SUFU: variants seen among roughly 807,000 people sequenced by gnomAD.
SUFU encodes suppressor of fused homolog.
A neutral mutation model predicts 58.9 loss-of-function variants in SUFU; 7 were observed. The observed-to-expected ratio is 0.12, with a 90% CI of 0.07 to 0.22. SUFU has a LOEUF of 0.22. SUFU is among the 10% of genes least tolerant of loss of function. SUFU has a pLI of 1.00. For missense variants in SUFU, 451 were observed against 641.3 expected, an observed-to-expected ratio of 0.70 and a Z score of 3.20; for synonymous variants, 232 against 254.8, an observed-to-expected ratio of 0.91 and a Z score of 0.85.
At chr10:102,616,904 C>A (rs910913098) in intron 9 of SUFU, among the ~76,000 whole-genome samples, 1 of 152,220 alleles carries the variant, frequency 6.6e-6, no homozygotes, top group South Asian at 2.1e-4. Flanking sequence ...ACTTCACCTC[C>A]GTCCCCTAAG....
Position 102,509,292 on chromosome 10 carries a change from CAG to C in SUFU, c.309_310del (p.Arg103SerfsTer3). ...GCCTGAGTGATCTCTATGGTGACAA[CAG>C]AGTCCATGAGTGAGTATATGCCACC... The part of the protein sequence containing the change: ...FGLSDLYGDN[R>X]VHEFTGTDGP... On this transcript the variant is annotated frameshift_variant, in exon 2 of 12. Coordinates refer to ENST00000369902, the MANE Select transcript of SUFU (RefSeq NM_016169.4). LOFTEE classifies it high-confidence loss of function. The C allele has an allele frequency of 6.2e-7, 1 of 1,614,148 alleles. No individual in the cohort carries two copies. Among genetic ancestry groups the C allele is most frequent in the Non-Finnish European group, 8.5e-7 (1 of 1,180,026 alleles).
In SUFU at chr10:102,506,039, GAA is replaced by G. The variant is rs1170831161; in HGVS notation, c.182+1731_182+1732del. ...TAGCCAGACCCTAACTCTGTTATTT[GAA>G]AAAAAAAAAAAAAAAAAAAAAAAAA... On this transcript the variant is annotated intron_variant, in intron 1 of 11. Transcript: ENST00000369902. Among the ~76,000 whole-genome samples the G allele has an allele frequency of 2.3e-3, 194 of 84,210 alleles. 4 individuals carry two copies. Among genetic ancestry groups the G allele is most frequent in the East Asian group, 0.013 (30 of 2,384 alleles). The allele number at this position is 84,210 out of a possible 152,430, so 55.2% of individuals were successfully genotyped here.
intron 3 of SUFU, among the ~76,000 whole-genome samples, chr10:102,562,210 T>C (rs1034845948): frequency 7.2e-5 from 11 of 152,220 alleles, no homozygotes; most frequent in South Asian, 2.1e-4. Flanking sequence ...AGTCTTTTCC[T>C]GTTGAGGCCC....
At chr10:102,571,518 A>AAACC (rs1353409746) in intron 3 of SUFU, among the ~76,000 whole-genome samples, 1 of 147,118 alleles carries the variant, frequency 6.8e-6, no homozygotes, top group Non-Finnish European at 1.5e-5. Flanking sequence ...ACAAACAAAC[A>AAACC]AAACAAACAA....
intron 2 of SUFU, among the ~76,000 whole-genome samples, chr10:102,542,885 A>G (rs1281797544): frequency 1.3e-5 from 2 of 152,182 alleles, no homozygotes; most frequent in Non-Finnish European, 1.5e-5. Context: ...TTGGCCTCCC[A>G]AAGTGCTGGA....
intron 3 of SUFU, among the ~76,000 whole-genome samples, chr10:102,558,719 T>C (rs2063006009): frequency 2.0e-5 from 3 of 152,246 alleles, no homozygotes; most frequent in African/African-American, 7.2e-5. Context: ...AGCAGAAGAA[T>C]AGCACGGCTT....
intron 3 of SUFU, among the ~76,000 whole-genome samples, chr10:102,576,764 A>G (rs1031016489): frequency 6.6e-6 from 1 of 152,038 alleles, no homozygotes; most frequent in Non-Finnish European, 1.5e-5. Flanking sequence ...TTGGAGTGCA[A>G]TGGTACAATT....
intron 2 of SUFU, among the ~76,000 whole-genome samples, chr10:102,523,549 A>G (rs1465019863): frequency 1.3e-5 from 2 of 152,154 alleles, no homozygotes; most frequent in African/African-American, 4.8e-5. Flanking sequence ...TTAGAGGAAA[A>G]ATGTAGTGAA....
At chr10:102,576,770 C>CA (rs1210872020) in intron 3 of SUFU, among the ~76,000 whole-genome samples, 1 of 152,108 alleles carries the variant, frequency 6.6e-6, no homozygotes, top group African/African-American at 2.4e-5. Flanking sequence ...TGCAATGGTA[C>CA]AATTATAGCT....
chr10:102,601,054 C>T (rs1167332529), intron 8 of SUFU, among the ~76,000 whole-genome samples: 2 of 152,210 alleles, frequency 1.3e-5, no homozygotes, highest in Non-Finnish European at 2.9e-5. Context: ...TTTGGGCCTC[C>T]TTGGCACTGT....
chr10:102,546,535 G>A (rs767509091), intron 2 of SUFU, among the ~76,000 whole-genome samples: 4 of 152,132 alleles, frequency 2.6e-5, no homozygotes, highest in African/African-American at 4.8e-5. Flanking sequence ...AGAGACAGCC[G>A]CTCCCTAGGA....
intron 6 of SUFU, among the ~76,000 whole-genome samples, chr10:102,594,687 G>A (rs1383121161): frequency 6.6e-6 from 1 of 152,156 alleles, no homozygotes; most frequent in Non-Finnish European, 1.5e-5. Flanking sequence ...CCTTTGTCAT[G>A]CAGGTAAAGT....
intron 2 of SUFU, among the ~76,000 whole-genome samples, chr10:102,519,137 CAAAAAAAAA>C (rs386372286): frequency 1.2e-5 from 1 of 86,770 alleles, no homozygotes; most frequent in Non-Finnish European, 2.2e-5. Context: ...GACTCTGTCT[CAAAAAAAAA>C]AAAAAAAAAG....
intron 2 of SUFU, among the ~76,000 whole-genome samples, chr10:102,521,223 C>T (rs1055789241): frequency 8.5e-5 from 13 of 152,136 alleles, no homozygotes; most frequent in African/African-American, 3.1e-4. Flanking sequence ...ATGACATATG[C>T]TGTTGAGCGT....
At chr10:102,585,783 C>G (rs999937206) in intron 3 of SUFU, among the ~76,000 whole-genome samples, 8 of 151,750 alleles carry the variant, frequency 5.3e-5, no homozygotes, top group East Asian at 1.9e-4. Flanking sequence ...CCTCCCAACA[C>G]TTTGGGAGGC....
At chr10:102,502,847 G>C (rs1489854718), upstream of SUFU, 2 of 599,442 alleles carry the variant, frequency 3.3e-6, no homozygotes, top group Non-Finnish European at 5.9e-6. Flanking sequence ...CCTAGTTTAA[G>C]ATTGGGAGTC....
chr10:102,613,959 G>C (rs2063653770), intron 8 of SUFU, among the ~76,000 whole-genome samples: 1 of 152,244 alleles, frequency 6.6e-6, no homozygotes. Flanking sequence ...AGCAGGGCGG[G>C]GGCCCGGTTC....
chr10:102,609,022 AC>A (rs1195947532), intron 8 of SUFU, among the ~76,000 whole-genome samples: 6 of 152,040 alleles, frequency 3.9e-5, no homozygotes, highest in African/African-American at 1.2e-4. Context: ...TAGTCTTGAA[AC>A]CCCGGAAGAA....
At position 102,599,539 on chromosome 10, in the gene SUFU, G is replaced by A. The variant is rs2063496731; in HGVS notation, c.1017G>A (p.Arg339=). 6.2e-7 allele frequency: 1 copy of A among 1,614,030 alleles called. No individual in the cohort carries two copies. Among genetic ancestry groups the A allele is most frequent in the Non-Finnish European group, 8.5e-7 (1 of 1,179,942 alleles). The change falls in exon 8 of 12, where the codon CGG becomes CGA. Residue 339 remains arginine (R), a synonymous_variant. Coordinates refer to ENST00000369902, the MANE Select transcript of SUFU (RefSeq NM_016169.4). The part of the protein sequence containing the change: ...PQRQNGLAHD[R]APSRKDSLES... ...GGCAGAATGGCCTCGCCCACGACCG[G>A]GCCCCGTAAGTTCCCCAGTGTCCCT...
Sources: allele counts gnomAD v4.1 joint callset (sites outside exome capture counted in the v4.1 genomes callset), GRCh38; gene constraint gnomAD v4.1.1; transcripts MANE v1.5; gene names NCBI Gene and HGNC (gene_info 2026-07-23, HGNC 2026-07-21).